The following SGCZ variants were observed in gnomAD, a reference collection of about 807,000 sequenced individuals.
SGCZ encodes the protein zeta-sarcoglycan.
SGCZ carries 40 observed loss-of-function variants against 41.3 expected under a neutral mutation model. That is an observed-to-expected ratio of 0.97 (90% CI 0.75 to 1.26). The LOEUF (loss-of-function observed/expected upper bound fraction) is 1.26, where lower values mean the gene tolerates loss of function less well. SGCZ is among the 50% of genes most tolerant of loss of function. The probability of loss-of-function intolerance (pLI) is 0.00; values close to 1 mark genes in which losing one functional copy is unlikely to be tolerated. For missense variants in SGCZ, 552 were observed against 369.8 expected (o/e 1.49, Z -4.04); for synonymous variants, 206 against 137.5 (o/e 1.50, Z -3.49).
At chr8:14,363,995 C>T (rs1008686879) in intron 2 of SGCZ, among the ~76,000 whole-genome samples, 3 of 152,078 alleles carry the variant, frequency 2.0e-5, no homozygotes, top group Non-Finnish European at 4.4e-5. Flanking sequence ...TCATTTTATG[C>T]AATACTGTCA....
chr8:15,157,383 T>C (rs1303989697), intron 1 of SGCZ, among the ~76,000 whole-genome samples: 1 of 151,656 alleles, frequency 6.6e-6, no homozygotes, highest in Non-Finnish European at 1.5e-5. Context: ...TACGCCACTG[T>C]ACTCTAGGCT....
intron 4 of SGCZ, among the ~76,000 whole-genome samples, chr8:14,215,499 G>GA (rs142831969): frequency 0.24 from 35,539 of 146,002 alleles, 5,379 homozygotes; most frequent in Non-Finnish European, 0.35. Flanking sequence ...AAGGCAGAAA[G>GA]AAAAAAAAAG....
At chr8:14,320,892 C>G (rs977317011) in intron 3 of SGCZ, among the ~76,000 whole-genome samples, 2 of 151,972 alleles carry the variant, frequency 1.3e-5, no homozygotes, top group East Asian at 3.9e-4. Context: ...AAGAACTACA[C>G]GATGCAAATT....
At chr8:14,480,896 TAA>T (rs1585572180) in intron 2 of SGCZ, among the ~76,000 whole-genome samples, 1 of 151,986 alleles carries the variant, frequency 6.6e-6, no homozygotes, top group Non-Finnish European at 1.5e-5. Context: ...CTCCTGAACT[TAA>T]AAGTTTGAAA....
chr8:14,991,495 T>C (rs778712027), intron 1 of SGCZ, among the ~76,000 whole-genome samples: 1 of 152,168 alleles, frequency 6.6e-6, no homozygotes, highest in Non-Finnish European at 1.5e-5. Flanking sequence ...CTCATAAATG[T>C]CTACCTTCGG....
intron 1 of SGCZ, among the ~76,000 whole-genome samples, chr8:14,976,018 A>G (rs1801465701): frequency 6.8e-6 from 1 of 146,712 alleles, no homozygotes; most frequent in Admixed American, 6.9e-5. Flanking sequence ...ATATATATAC[A>G]CATATATATT....
intron 2 of SGCZ, among the ~76,000 whole-genome samples, chr8:14,330,884 AG>A: frequency 6.6e-6 from 1 of 152,148 alleles, no homozygotes; most frequent in South Asian, 2.1e-4. Context: ...TCACTAAAAA[AG>A]CTTTTCAAAC....
chr8:14,514,248 C>T (rs1160903762), intron 2 of SGCZ, among the ~76,000 whole-genome samples: 3 of 152,106 alleles, frequency 2.0e-5, no homozygotes, highest in Non-Finnish European at 2.9e-5. Context: ...GCACTTGATA[C>T]GGTATCAGAG....
intron 1 of SGCZ, among the ~76,000 whole-genome samples, chr8:14,843,046 C>A (rs540885802): frequency 3.9e-5 from 6 of 152,170 alleles, no homozygotes; most frequent in Non-Finnish European, 8.8e-5. Flanking sequence ...AACCCCATCT[C>A]TACTAAAATA....
intron 1 of SGCZ, among the ~76,000 whole-genome samples, chr8:15,142,350 G>T (rs2116999760): frequency 6.6e-6 from 1 of 152,058 alleles, no homozygotes; most frequent in South Asian, 2.1e-4. Context: ...ATTATATATT[G>T]GTTATATTTA....
At chr8:14,356,495 G>A (rs1469339420) in intron 2 of SGCZ, among the ~76,000 whole-genome samples, 4 of 151,986 alleles carry the variant, frequency 2.6e-5, no homozygotes, top group Non-Finnish European at 5.9e-5. Flanking sequence ...AATAAATCTA[G>A]AGGACTAAAA....
intron 5 of SGCZ, among the ~76,000 whole-genome samples, chr8:14,131,136 C>T (rs145391280): frequency 6.6e-6 from 1 of 152,268 alleles, no homozygotes; most frequent in East Asian, 1.9e-4. Flanking sequence ...CCTTGTGTGT[C>T]CACATCCTTG....
chr8:14,929,631 T>G (rs1450762639), intron 1 of SGCZ, among the ~76,000 whole-genome samples: 1 of 152,006 alleles, frequency 6.6e-6, no homozygotes. Flanking sequence ...CAGATCCCCA[T>G]TAGTCTCTAT....
At chr8:14,530,297 A>C (rs1020618415) in intron 2 of SGCZ, among the ~76,000 whole-genome samples, 1 of 152,084 alleles carries the variant, frequency 6.6e-6, no homozygotes, top group African/African-American at 2.4e-5. Flanking sequence ...AAGTGATCTT[A>C]TATGAAAATT....
intron 1 of SGCZ, among the ~76,000 whole-genome samples, chr8:15,178,535 C>G (rs1334147455): frequency 3.9e-5 from 6 of 152,154 alleles, no homozygotes; most frequent in Admixed American, 1.3e-4. Flanking sequence ...ACCTGTGCCC[C>G]TTATTCTTTG....
intron 1 of SGCZ, among the ~76,000 whole-genome samples, chr8:14,785,431 A>G (rs1800737887): frequency 6.6e-6 from 1 of 152,170 alleles, no homozygotes. Flanking sequence ...AATTTCACAT[A>G]CATAACGATA....
At chr8:14,490,445 A>G (rs17119389) in intron 2 of SGCZ, among the ~76,000 whole-genome samples, 10,003 of 152,226 alleles carry the variant, frequency 0.066, 572 homozygotes, top group African/African-American at 0.15. Context: ...TTTGAGTATG[A>G]TAAGTGTTTC....
rs78718930 is a variant in SGCZ at position 14,834,395 on chromosome 8, A to T, written c.40-279469T>A. ...TGGGCTAAACACTACAGTATTACCA[A>T]ATCAATTTTTAAGCCAAACAAAGGT... is the stretch of plus-strand genomic sequence containing the variant. On this transcript the variant is annotated intron_variant, in intron 1 of 7. Transcript: ENST00000382080. Among the ~76,000 whole-genome samples the T allele has an allele frequency of 1.4e-3, 215 of 152,274 alleles. 1 individual carries two copies. The East Asian group carries it at 0.015, about 11-fold the overall frequency.
chr8:15,066,315 C>CAAAAAAAA (rs34127345), intron 1 of SGCZ, among the ~76,000 whole-genome samples: 173 of 106,896 alleles, frequency 1.6e-3, no homozygotes, highest in African/African-American at 6.0e-3. Flanking sequence ...ACTCCGTCTC[C>CAAAAAAAA]AAAAAAAAAA....
Sources: gnomAD v4.1 joint callset for allele counts (sites outside exome capture counted in the v4.1 genomes callset) on GRCh38, gnomAD v4.1.1 for gene constraint, MANE v1.5 for transcripts, NCBI Gene and HGNC (gene_info 2026-07-23, HGNC 2026-07-21) for gene names.